The following ROBO2 variants were observed in gnomAD, a reference collection of about 807,000 sequenced individuals.
ROBO2 encodes roundabout homolog 2.
In ROBO2, 53 loss-of-function variants were observed where a neutral mutation model predicts 160.8. The observed-to-expected ratio is 0.33, with a 90% CI of 0.26 to 0.41. ROBO2 has a LOEUF of 0.41. Ranked by LOEUF, ROBO2 falls within the 10% of genes least tolerant of loss-of-function variation. The pLI is 1.00. For synonymous variants in ROBO2, 664 were observed against 611.7 expected (o/e 1.09, Z -1.26); for missense variants, 1,577 against 1,722.4 (o/e 0.92, Z 1.49).
chr3:77,467,892 C>G (rs796615216), intron 2 of ROBO2, among the ~76,000 whole-genome samples: 5 of 152,254 alleles, frequency 3.3e-5, no homozygotes, highest in African/African-American at 1.2e-4. Context: ...AAGACAGTTG[C>G]CTGTGGAGGA....
chr3:76,097,858 G>A (rs528055880), intron 2 of ROBO2, among the ~76,000 whole-genome samples: 1 of 152,102 alleles, frequency 6.6e-6, no homozygotes, highest in South Asian at 2.1e-4. Context: ...GGTCAAGTTG[G>A]GTTTAGGAAT....
intron 2 of ROBO2, among the ~76,000 whole-genome samples, chr3:76,043,086 C>T (rs2067325966): frequency 6.6e-6 from 1 of 151,968 alleles, no homozygotes; most frequent in African/African-American, 2.4e-5. Context: ...ATCCAAATAT[C>T]TTCAACGGGG....
intron 2 of ROBO2, among the ~76,000 whole-genome samples, chr3:77,133,997 A>G (rs1409027750): frequency 6.6e-6 from 1 of 152,132 alleles, no homozygotes; most frequent in Admixed American, 6.5e-5. Context: ...ACCAACATGG[A>G]GAAATCCCGT....
chr3:76,981,119 A>T (rs1228567155), intron 2 of ROBO2, among the ~76,000 whole-genome samples: 1 of 152,208 alleles, frequency 6.6e-6, no homozygotes, highest in Non-Finnish European at 1.5e-5. Context: ...TTGCACATTT[A>T]GACTATTATG....
At chr3:77,456,087 C>G (rs1316318104) in intron 2 of ROBO2, among the ~76,000 whole-genome samples, 2 of 152,110 alleles carry the variant, frequency 1.3e-5, no homozygotes, top group South Asian at 2.1e-4. Flanking sequence ...TTCTTAGCAT[C>G]CTATTTAATA....
intron 2 of ROBO2, among the ~76,000 whole-genome samples, chr3:76,996,374 G>A (rs1325358753): frequency 3.3e-5 from 5 of 152,194 alleles, no homozygotes; most frequent in African/African-American, 4.8e-5. Flanking sequence ...ATTGTTTGAA[G>A]TCAGGTAGCT....
At chr3:77,405,428 A>G (rs924442046) in intron 2 of ROBO2, among the ~76,000 whole-genome samples, 8 of 152,076 alleles carry the variant, frequency 5.3e-5, no homozygotes, top group Non-Finnish European at 8.8e-5. Flanking sequence ...TCATAGTACC[A>G]TTCATATCTA....
intron 2 of ROBO2, among the ~76,000 whole-genome samples, chr3:76,810,452 A>G (rs1302681782): frequency 2.0e-5 from 3 of 152,186 alleles, no homozygotes; most frequent in Non-Finnish European, 2.9e-5. Flanking sequence ...GAGAAAAAAG[A>G]TGACATTTGG....
Position 76,350,717 on chromosome 3 carries a change from A to G in ROBO2, c.109+413115A>G, listed in dbSNP as rs184312802. Reference sequence around the variant, plus strand: ...ATAAAATTTTCTTAAAGTATTGAAAAATTTTTAAAAGACTTACTGTCTACA... The same window carrying G: ...ATAAAATTTTCTTAAAGTATTGAAAGATTTTTAAAAGACTTACTGTCTACA... On this transcript the variant is annotated intron_variant, in intron 2 of 26. Transcript: ENST00000487694. 8.5e-5 allele frequency among the ~76,000 whole-genome samples: 13 copies of G among 152,072 alleles called. 1 individual carries two copies. The highest frequency in any genetic ancestry group is 2.9e-4 in the African/African-American group (12 of 41,528).
chr3:76,919,562 A>G (rs1352164865), intron 2 of ROBO2, among the ~76,000 whole-genome samples: 2 of 152,090 alleles, frequency 1.3e-5, no homozygotes, highest in Admixed American at 6.6e-5. Flanking sequence ...ACAAGGAAAC[A>G]ATCATGACTT....
chr3:76,440,767 A>G (rs2076889583), intron 2 of ROBO2, among the ~76,000 whole-genome samples: 1 of 152,062 alleles, frequency 6.6e-6, no homozygotes, highest in African/African-American at 2.4e-5. Flanking sequence ...TACCAGAACT[A>G]CATGAGCAGG....
intron 2 of ROBO2, among the ~76,000 whole-genome samples, chr3:76,576,701 CTTTTTTTT>C (rs56404865): frequency 3.2e-5 from 2 of 62,392 alleles, no homozygotes; most frequent in Admixed American, 5.6e-4. Flanking sequence ...CATTTTCTTT[CTTTTTTTT>C]TTTTTTTTTT....
intron 2 of ROBO2, among the ~76,000 whole-genome samples, chr3:77,220,454 A>G (rs1401194661): frequency 6.6e-6 from 1 of 152,150 alleles, no homozygotes; most frequent in Non-Finnish European, 1.5e-5. Flanking sequence ...TTTTAACTCA[A>G]TGCTTTACAT....
intron 2 of ROBO2, among the ~76,000 whole-genome samples, chr3:77,226,990 T>C (rs1170354432): frequency 6.6e-6 from 1 of 152,158 alleles, no homozygotes. Context: ...GCTTCAATTG[T>C]GATGTCAAAG....
At chr3:76,344,629 A>G (rs1283457599) in intron 2 of ROBO2, among the ~76,000 whole-genome samples, 2 of 152,180 alleles carry the variant, frequency 1.3e-5, no homozygotes, top group African/African-American at 2.4e-5. Context: ...GAAATGATGG[A>G]TAAAAAGAAG....
At chr3:76,313,043 T>G (rs2071709880) in intron 2 of ROBO2, among the ~76,000 whole-genome samples, 1 of 152,234 alleles carries the variant, frequency 6.6e-6, no homozygotes, top group Non-Finnish European at 1.5e-5. Flanking sequence ...ATTTGCTAGC[T>G]CTGCTGTGTG....
intron 2 of ROBO2, among the ~76,000 whole-genome samples, chr3:76,116,095 A>G (rs2070458739): frequency 6.6e-6 from 1 of 152,148 alleles, no homozygotes; most frequent in Non-Finnish European, 1.5e-5. Context: ...TGGACTCTAG[A>G]GCTGACAGCT....
At chr3:77,266,739 A>G (rs941534063) in intron 2 of ROBO2, among the ~76,000 whole-genome samples, 1 of 152,136 alleles carries the variant, frequency 6.6e-6, no homozygotes, top group Non-Finnish European at 1.5e-5. Flanking sequence ...CCATAAAATA[A>G]TGATAATAAT....
chr3:76,272,384 G>A (rs954009216), intron 2 of ROBO2, among the ~76,000 whole-genome samples: 2 of 151,962 alleles, frequency 1.3e-5, no homozygotes, highest in Non-Finnish European at 2.9e-5. Flanking sequence ...ATATTTCTGG[G>A]CTGGATGTGG....
Sources: gnomAD v4.1 joint callset for allele counts (sites outside exome capture counted in the v4.1 genomes callset) on GRCh38, gnomAD v4.1.1 for gene constraint, MANE v1.5 for transcripts, NCBI Gene and HGNC (gene_info 2026-07-23, HGNC 2026-07-21) for gene names.